The following BACH2 variants were observed in gnomAD, a reference collection of about 807,000 sequenced individuals.
BACH2 encodes the protein BACH transcriptional regulator 2.
A neutral mutation model predicts 61.8 loss-of-function variants in BACH2; 5 were observed. The ratio of observed to expected loss-of-function variants is 0.08; its 90% CI spans 0.04 to 0.17. The LOEUF is 0.17. Ranked by LOEUF, BACH2 falls within the 10% of genes least tolerant of loss-of-function variation. BACH2 has a pLI of 1.00. For missense variants in BACH2, 824 were observed against 1,091.1 expected, an observed-to-expected ratio of 0.76 and a Z score of 3.45; for synonymous variants, 446 against 440.1, an observed-to-expected ratio of 1.01 and a Z score of -0.17.
At chr6:90,113,514 G>A (rs1562452789) in intron 4 of BACH2, among the ~76,000 whole-genome samples, 1 of 152,064 alleles carries the variant, frequency 6.6e-6, no homozygotes, top group African/African-American at 2.4e-5. Context: ...ATGAAATGAA[G>A]GCAGAAATCA....
chr6:90,163,006 T>C (rs1219308962), intron 4 of BACH2, among the ~76,000 whole-genome samples: 3 of 152,212 alleles, frequency 2.0e-5, no homozygotes, highest in African/African-American at 7.2e-5. Flanking sequence ...CAAATTTTCC[T>C]AAGTTCCCGA....
chr6:90,260,657 C>T lies in BACH2; in HGVS notation c.-352-8067G>A, dbSNP rs55896845. Among the ~76,000 whole-genome samples, 983 of 152,276 alleles carry T rather than the reference C, an allele frequency of 6.5e-3. 10 individuals carry two copies. The highest frequency in any genetic ancestry group is 0.023 in the African/African-American group (937 of 41,552). ...AACTGAGAAGTTATTTTTACAGCAG[C>T]TAGCATTACCTTAATAATATACACA... On this transcript the variant is annotated intron_variant, in intron 2 of 8. Coordinates refer to ENST00000257749, the MANE Select transcript of BACH2 (RefSeq NM_021813.4).
chr6:89,931,822 A>G lies in BACH2; in HGVS notation c.*586T>C, dbSNP rs1772661182. The G allele has an allele frequency of 6.6e-6, 1 of 152,526 alleles. No homozygotes were observed. Among genetic ancestry groups the G allele is most frequent in the Non-Finnish European group, 1.5e-5 (1 of 68,004 alleles). The allele number at this position is 152,526 out of a possible 1,614,324, so 9.4% of individuals were successfully genotyped here. A position where few individuals can be genotyped will look rare whatever the true frequency, so the allele number is the denominator to read the frequency against. ...TGACCATGTTAACAGTTACCAAACT[A>G]GTTCTAGCATCAGAGACAAAAGAAG... On this transcript the variant is annotated 3_prime_UTR_variant, in exon 9 of 9. Coordinates refer to ENST00000257749, the MANE Select transcript of BACH2 (RefSeq NM_021813.4).
intron 6 of BACH2, among the ~76,000 whole-genome samples, chr6:89,975,041 G>A (rs983973427): frequency 5.3e-5 from 8 of 152,082 alleles, no homozygotes; most frequent in East Asian, 1.9e-4. Flanking sequence ...CAGCTGTAGC[G>A]AGCCAGGATG....
At chr6:89,980,300 A>C (rs1775880750) in intron 6 of BACH2, among the ~76,000 whole-genome samples, 1 of 152,180 alleles carries the variant, frequency 6.6e-6, no homozygotes, top group Non-Finnish European at 1.5e-5. Context: ...TCTCAAAAAA[A>C]AAAAAAAATC....
chr6:90,246,252 CAG>C (rs1226347755), intron 3 of BACH2, among the ~76,000 whole-genome samples: 2 of 152,134 alleles, frequency 1.3e-5, no homozygotes, highest in Non-Finnish European at 2.9e-5. Context: ...AGTTATAAAG[CAG>C]AGTTGATTAC....
intron 6 of BACH2, among the ~76,000 whole-genome samples, chr6:90,000,552 C>A (rs1777083229): frequency 6.6e-6 from 1 of 152,212 alleles, no homozygotes; most frequent in Non-Finnish European, 1.5e-5. Flanking sequence ...ATAGCACCAT[C>A]CTTCCAAGAA....
chr6:90,093,273 A>T (rs1053575843), intron 4 of BACH2, among the ~76,000 whole-genome samples: 1 of 152,158 alleles, frequency 6.6e-6, no homozygotes, highest in South Asian at 2.1e-4. Context: ...ACTGAGGGCC[A>T]ACCACCTTGC....
intron 6 of BACH2, among the ~76,000 whole-genome samples, chr6:89,969,146 T>C (rs1435895981): frequency 6.8e-6 from 1 of 146,146 alleles, no homozygotes; most frequent in African/African-American, 2.5e-5. Context: ...CTCCGCCTCC[T>C]GGGTTCAAGC....
chr6:90,192,495 T>A (rs577973934), intron 4 of BACH2, among the ~76,000 whole-genome samples: 196 of 152,342 alleles, frequency 1.3e-3, no homozygotes, highest in African/African-American at 4.7e-3. Flanking sequence ...AAGACTTCTT[T>A]AATTAAATAC....
rs143913129 is a variant in BACH2 at position 90,039,445 on chromosome 6, C to T, written c.-12-30589G>A. ...TGTCGCCCAGGCTGGAATGCAGAGGCGCGATCTTGGCTCAGTGCAATGTCC... is the reference window on the plus strand; with the variant it reads ...TGTCGCCCAGGCTGGAATGCAGAGGTGCGATCTTGGCTCAGTGCAATGTCC... On this transcript the variant is annotated intron_variant, in intron 5 of 8. Coordinates refer to ENST00000257749, the MANE Select transcript of BACH2 (RefSeq NM_021813.4). Among the ~76,000 whole-genome samples, 31 of 152,172 alleles carry T rather than the reference C, an allele frequency of 2.0e-4. 1 individual carries two copies. The East Asian group carries it at 4.8e-3, about 24-fold the overall frequency.
chr6:90,097,794 T>C (rs113708429), intron 4 of BACH2, among the ~76,000 whole-genome samples: 3,700 of 152,270 alleles, frequency 0.024, 137 homozygotes, highest in African/African-American at 0.085. Flanking sequence ...AGTGAGTATT[T>C]TCTAAAACTA....
chr6:90,273,139 C>T (rs573386491), intron 1 of BACH2, among the ~76,000 whole-genome samples: 9 of 152,154 alleles, frequency 5.9e-5, no homozygotes, highest in African/African-American at 1.9e-4. Context: ...GGCGGAGGAT[C>T]GCTTGAGGCC....
chr6:90,162,167 G>A (rs903407253), intron 4 of BACH2, among the ~76,000 whole-genome samples: 1 of 152,164 alleles, frequency 6.6e-6, no homozygotes. Flanking sequence ...ATACTGTCTT[G>A]TGCCTGGACA....
At chr6:89,946,271 G>A (rs1345581427) in intron 7 of BACH2, among the ~76,000 whole-genome samples, 1 of 152,152 alleles carries the variant, frequency 6.6e-6, no homozygotes, top group Admixed American at 6.6e-5. Flanking sequence ...AGCCTCATTA[G>A]TAGTCACCAT....
rs141313776 is a variant in BACH2 at position 90,015,637 on chromosome 6, C to T, written c.-12-6781G>A. On this transcript the variant is annotated intron_variant, in intron 5 of 8. Coordinates refer to ENST00000257749, the MANE Select transcript of BACH2 (RefSeq NM_021813.4). ...TCCATTGTGGTCACAGAACAAACTT[C>T]ATATGACTTTAATCCTTTTAAATTT... Among the ~76,000 whole-genome samples the T allele has an allele frequency of 2.2e-3, 338 of 152,288 alleles. 4 individuals carry two copies. Among genetic ancestry groups the T allele is most frequent in the African/African-American group, 7.9e-3 (328 of 41,548 alleles).
At chr6:90,081,265 A>G (rs537688248) in intron 5 of BACH2, among the ~76,000 whole-genome samples, 13 of 152,340 alleles carry the variant, frequency 8.5e-5, no homozygotes, top group East Asian at 1.9e-4. Flanking sequence ...CTTAAATGAC[A>G]TGCCCATCAC....
intron 1 of BACH2, among the ~76,000 whole-genome samples, chr6:90,281,730 C>T (rs578114730): frequency 2.2e-4 from 34 of 151,994 alleles, no homozygotes; most frequent in Non-Finnish European, 4.3e-4. Context: ...CATTTTGATG[C>T]ACTTTTATTT....
intron 1 of BACH2, among the ~76,000 whole-genome samples, chr6:90,278,407 C>T (rs1274267540): frequency 6.6e-6 from 1 of 152,266 alleles, no homozygotes; most frequent in Non-Finnish European, 1.5e-5. Flanking sequence ...CCTTTCCAGG[C>T]CGTGGAGACC....
Sources: gnomAD v4.1 joint callset for allele counts (sites outside exome capture counted in the v4.1 genomes callset) on GRCh38, gnomAD v4.1.1 for gene constraint, MANE v1.5 for transcripts, NCBI Gene and HGNC (gene_info 2026-07-23, HGNC 2026-07-21) for gene names.